The following TTF1 variants were observed in gnomAD, a reference collection of about 807,000 sequenced individuals.
TTF1 encodes transcription termination factor, RNA polymerase I.
A neutral mutation model predicts 80.2 loss-of-function variants in TTF1; 64 were observed. The ratio of observed to expected loss-of-function variants is 0.80; its 90% CI spans 0.65 to 0.98. The LOEUF is 0.98. Among genes scored for constraint, TTF1 ranks in the 50% least tolerant of loss-of-function variants. The pLI, the probability that TTF1 is intolerant of heterozygous loss-of-function variation, is 0.00. For missense variants in TTF1, 1,023 were observed against 1,086.2 expected (o/e 0.94, Z 0.82); for synonymous variants, 372 against 382.7 (o/e 0.97, Z 0.33).
chr9:132,401,127 C>T (rs1298496875), intron 2 of TTF1, among the ~76,000 whole-genome samples: 3 of 151,990 alleles, frequency 2.0e-5, no homozygotes, highest in East Asian at 1.9e-4. Flanking sequence ...GTCAGGAGTT[C>T]GAGACCAGCC....
In TTF1 at chr9:132,401,476, T is replaced by C. The variant is rs752867597; in HGVS notation, c.1346A>G (p.Lys449Arg). ...QKKTQACLAS[K>R]HVQEAPRLEP... ...TTACCTTGGCGCCTCTTGCACGTGCTTGCTTGCCAAACAGGCCTGGGTTTT... is the reference window on the plus strand; with the variant it reads ...TTACCTTGGCGCCTCTTGCACGTGCCTGCTTGCCAAACAGGCCTGGGTTTT... The change falls in exon 2 of 11, where the codon AAG (lysine) becomes AGG (arginine). Residue 449 changes from lysine (K) to arginine (R), a missense_variant. By Grantham distance (26) the Lys-to-Arg change is conservative. Coordinates refer to ENST00000334270, the MANE Select transcript of TTF1 (RefSeq NM_007344.4). The C allele has an allele frequency of 4.2e-5, 67 of 1,611,914 alleles. No individual in the cohort carries two copies. Among genetic ancestry groups the C allele is most frequent in the Non-Finnish European group, 5.7e-5 (67 of 1,178,804 alleles).
At chr9:132,396,535 A>G (rs781688538) in intron 4 of TTF1, 24 bp from the exon 5 acceptor site, 1 of 1,604,928 alleles carries the variant, frequency 6.2e-7, no homozygotes, top group Non-Finnish European at 8.5e-7. Flanking sequence ...AAAGGTGATC[A>G]GAGGGACTCA....
At chr9:132,378,531 G>A (rs1849298290) in intron 10 of TTF1, among the ~76,000 whole-genome samples, 1 of 132,834 alleles carries the variant, frequency 7.5e-6, no homozygotes, top group Non-Finnish European at 1.6e-5. Flanking sequence ...GTGAGTGCAT[G>A]TGGTGTGAGT....
chr9:132,397,867 TC>T (rs1358140847), intron 4 of TTF1, among the ~76,000 whole-genome samples: 2 of 151,878 alleles, frequency 1.3e-5, no homozygotes, highest in African/African-American at 4.8e-5. Context: ...GCACCTGTAG[TC>T]CCAGCTACTC....
At chr9:132,397,783 G>A (rs956714187) in intron 4 of TTF1, among the ~76,000 whole-genome samples, 9 of 152,086 alleles carry the variant, frequency 5.9e-5, no homozygotes, top group Admixed American at 2.6e-4. Context: ...TCAGGAGTTC[G>A]AGACCATCCT....
chr9:132,403,354 C>T (rs759867260), intron 1 of TTF1, among the ~76,000 whole-genome samples: 1 of 152,150 alleles, frequency 6.6e-6, no homozygotes, highest in Non-Finnish European at 1.5e-5. Flanking sequence ...AACAACAGTG[C>T]CTTGCACCAT....
intron 9 of TTF1, among the ~76,000 whole-genome samples, chr9:132,380,965 G>A (rs1396608610): frequency 6.6e-6 from 1 of 152,052 alleles, no homozygotes; most frequent in Non-Finnish European, 1.5e-5. Context: ...AGGCTGGAAT[G>A]CAGTGGCGTG....
At chr9:132,378,580 G>GT (rs1564182338) in intron 10 of TTF1, among the ~76,000 whole-genome samples, 10 of 72,810 alleles carry the variant, frequency 1.4e-4, no homozygotes, top group African/African-American at 9.4e-4. Flanking sequence ...GAGTGCATGT[G>GT]GTGTGTGAAT....
At chr9:132,400,947 TTAAAC>T (rs762250381) in intron 2 of TTF1, among the ~76,000 whole-genome samples, 52 of 152,226 alleles carry the variant, frequency 3.4e-4, no homozygotes, top group Non-Finnish European at 5.6e-4. Context: ...CATGAAGAAA[TTAAAC>T]TACCTGCCAA....
intron 5 of TTF1, among the ~76,000 whole-genome samples, chr9:132,394,471 G>A (rs1041635356): frequency 7.9e-5 from 12 of 151,134 alleles, no homozygotes; most frequent in Non-Finnish European, 1.6e-4. Context: ...GTAGAGATAA[G>A]GTTTCACCAT....
At chr9:132,381,523 T>C (rs1389831247) in intron 9 of TTF1, among the ~76,000 whole-genome samples, 2 of 152,118 alleles carry the variant, frequency 1.3e-5, no homozygotes, top group Admixed American at 6.6e-5. Flanking sequence ...GGTTTGACAT[T>C]ATAAAGGGCT....
At chr9:132,390,898 GA>G in intron 6 of TTF1, 67 bp from the exon 7 acceptor site, 12 of 1,442,032 alleles carry the variant, frequency 8.3e-6, no homozygotes, top group Non-Finnish European at 1.1e-5. Flanking sequence ...TATTAAAAAT[GA>G]AATGATAAAT....
intron 1 of TTF1, among the ~76,000 whole-genome samples, chr9:132,404,634 A>C (rs966583623): frequency 6.6e-6 from 1 of 152,094 alleles, no homozygotes; most frequent in African/African-American, 2.4e-5. Flanking sequence ...TTAACCCTAA[A>C]GTCTCATCCA....
intron 1 of TTF1, among the ~76,000 whole-genome samples, chr9:132,405,839 G>A (rs1484013082): frequency 2.0e-5 from 3 of 152,124 alleles, no homozygotes; most frequent in Non-Finnish European, 4.4e-5. Context: ...TTTCGTCTCA[G>A]GAACTTTGCA....
chr9:132,383,046 C>T (rs976430803), intron 9 of TTF1, among the ~76,000 whole-genome samples: 2 of 134,472 alleles, frequency 1.5e-5, no homozygotes, highest in Non-Finnish European at 3.1e-5. Flanking sequence ...GCCTGGGCAA[C>T]AAGAGTGAAA....
chr9:132,396,032 T>A (rs946926807), intron 5 of TTF1, among the ~76,000 whole-genome samples: 1 of 152,142 alleles, frequency 6.6e-6, no homozygotes, highest in Non-Finnish European at 1.5e-5. Context: ...AGCACTTACC[T>A]CCACCTTCAA....
At chr9:132,382,363 A>G (rs1849383949) in intron 9 of TTF1, among the ~76,000 whole-genome samples, 1 of 152,252 alleles carries the variant, frequency 6.6e-6, no homozygotes, top group African/African-American at 2.4e-5. Context: ...AGGAAGAACC[A>G]GTATTTTTAT....
In TTF1 at chr9:132,402,134, C is replaced by T; in HGVS notation, c.688G>A (p.Glu230Lys). Residue 230 changes from glutamate to lysine, a missense_variant, in exon 2 of 11, where the codon GAA becomes AAA. Coordinates refer to ENST00000334270, the MANE Select transcript of TTF1 (RefSeq NM_007344.4). ...TCAGGCATGGCCAGTGTCTCATATT[C>T]CCGGTTACTGGACTTTTTCTTTTTT... ...KKKKKKSSNR[E>K]YETLAMPEGS... 1.2e-6 allele frequency: 2 copies of T among 1,614,044 alleles called. No individual in the cohort carries two copies. The highest frequency in any genetic ancestry group is 1.7e-6 in the Non-Finnish European group (2 of 1,180,014).
Position 132,375,824 on chromosome 9 carries a change from A to G in TTF1, c.*91T>C. 1 of 727,706 alleles carries G rather than the reference A, an allele frequency of 1.4e-6. No individual in the cohort carries two copies. Among genetic ancestry groups the G allele is most frequent in the Non-Finnish European group, 2.2e-6 (1 of 448,176 alleles). 45.1% of individuals were successfully genotyped at this position (727,706 alleles called of 1,614,324 possible). A position where few individuals can be genotyped will look rare whatever the true frequency, so the allele number is the denominator to read the frequency against. ...CAGCCTCCCAAGTAGTTGAAATTAC[A>G]GGTGTGCACTACCACACCCGGCTAA... is the stretch of plus-strand genomic sequence containing the variant. On this transcript the variant is annotated 3_prime_UTR_variant, in exon 11 of 11. Transcript: ENST00000334270.
Sources: allele counts gnomAD v4.1 joint callset (sites outside exome capture counted in the v4.1 genomes callset), GRCh38; gene constraint gnomAD v4.1.1; transcripts MANE v1.5; gene names NCBI Gene and HGNC (gene_info 2026-07-23, HGNC 2026-07-21).